The following KPNB1 variants were observed in gnomAD, a reference collection of about 807,000 sequenced individuals.
KPNB1 encodes the protein karyopherin subunit beta 1, also known as importin subunit beta-1.
In KPNB1, 7 loss-of-function variants were observed where a neutral mutation model predicts 113.0. The observed-to-expected ratio is 0.06, with a 90% CI of 0.04 to 0.12. The LOEUF is 0.12. Ranked by LOEUF, KPNB1 falls within the 10% of genes least tolerant of loss-of-function variation. The pLI is 1.00. For synonymous variants in KPNB1, 363 were observed against 378.6 expected (o/e 0.96, Z 0.48); for missense variants, 400 against 1,054.8 (o/e 0.38, Z 8.60).
chr17:47,670,171 T>G (rs531188692), intron 11 of KPNB1, among the ~76,000 whole-genome samples: 1 of 152,190 alleles, frequency 6.6e-6, no homozygotes, highest in East Asian at 1.9e-4. Flanking sequence ...GGTAGAGAGT[T>G]TTTGGCTGTA....
intron 16 of KPNB1, among the ~76,000 whole-genome samples, 170 bp from the exon 17 acceptor site, chr17:47,676,850 C>T (rs1376606216): frequency 2.2e-5 from 3 of 136,356 alleles, no homozygotes; most frequent in South Asian, 2.3e-4. Context: ...TGATCTCTCT[C>T]GGATAGTCTT....
intron 3 of KPNB1, among the ~76,000 whole-genome samples, chr17:47,653,271 ATT>A (rs3067142): frequency 2.3e-4 from 25 of 109,838 alleles, no homozygotes; most frequent in Middle Eastern, 5.2e-3. Context: ...AGCTCAGGGA[ATT>A]TTTTTTTTTT....
chr17:47,650,471 C>T (rs1214108554), intron 2 of KPNB1, 27 bp downstream of exon 2: 2 of 1,588,932 alleles, frequency 1.3e-6, no homozygotes, highest in South Asian at 2.3e-5. Flanking sequence ...CGCGCCCATC[C>T]CGCCGCGTCC....
intron 15 of KPNB1, 114 bp from the exon 16 acceptor site, chr17:47,676,295 C>A: frequency 1.3e-6 from 1 of 765,048 alleles, no homozygotes; most frequent in Non-Finnish European, 2.3e-6. Context: ...GCACATTTCA[C>A]CCAACCTGTT....
intron 2 of KPNB1, 50 bp from the exon 3 acceptor site, chr17:47,652,644 G>A: frequency 7.0e-7 from 1 of 1,431,960 alleles, no homozygotes; most frequent in Non-Finnish European, 9.3e-7. Context: ...ATCCTCAGTT[G>A]TGGAAATTCC....
Position 47,680,637 on chromosome 17 carries a change from A to G in KPNB1, c.2598A>G (p.Thr866=), listed in dbSNP as rs2030742360. The change falls in exon 21 of 22, where the codon ACA becomes ACG. Residue 866 remains threonine (T), a synonymous_variant. Coordinates refer to ENST00000290158, the MANE Select transcript of KPNB1 (RefSeq NM_002265.6). ...CAAAAACCCTTGCTACATGGGCAAC[A>G]AAAGAACTGAGGAAACTGAAGAACC... ...NKAKTLATWA[T]KELRKLKNQA 1 of 1,614,200 alleles carries G rather than the reference A, an allele frequency of 6.2e-7. No individual in the cohort carries two copies. Among genetic ancestry groups the G allele is most frequent in the East Asian group, 2.2e-5 (1 of 44,880 alleles).
chr17:47,677,059 C>G lies in KPNB1; in HGVS notation c.2035C>G (p.Arg679Gly). The G allele has an allele frequency of 6.2e-7, 1 of 1,613,978 alleles. No individual in the cohort carries two copies. The highest frequency in any genetic ancestry group is 8.5e-7 in the Non-Finnish European group (1 of 1,179,992). ...AAVGLVGDLCRALQSNIIPFC... is the reference protein window; with the variant it reads ...AAVGLVGDLCGALQSNIIPFC... ...TGTGGGCTTAGTGGGAGACTTGTGCCGTGCCCTGCAATCCAACATCATACC... is the reference window on the plus strand; with the variant it reads ...TGTGGGCTTAGTGGGAGACTTGTGCGGTGCCCTGCAATCCAACATCATACC... Residue 679 changes from arginine (R) to glycine (G), a missense_variant, in exon 17 of 22, where the codon CGT becomes GGT. Physicochemically the swap from Arg to Gly is moderately radical, Grantham distance 125. Transcript: ENST00000290158.
At chr17:47,679,192 A>G (rs1280608063) in intron 19 of KPNB1, among the ~76,000 whole-genome samples, 3 of 151,156 alleles carry the variant, frequency 2.0e-5, no homozygotes, top group African/African-American at 7.3e-5. Context: ...TCCCAAAGTG[A>G]TGGGATTTCA....
At chr17:47,658,732 T>C (rs1476967265) in intron 5 of KPNB1, 72 bp downstream of exon 5, 3 of 1,391,960 alleles carry the variant, frequency 2.2e-6, no homozygotes, top group African/African-American at 1.4e-5. Flanking sequence ...GTTTTTTGTT[T>C]TGTTTTCTTA....
intron 13 of KPNB1, 129 bp from the exon 14 acceptor site, chr17:47,673,361 C>CA: frequency 1.1e-6 from 1 of 895,340 alleles, no homozygotes; most frequent in Non-Finnish European, 1.8e-6. Flanking sequence ...ATGTGTTACA[C>CA]TATATGTATT....
At chr17:47,674,905 A>G in intron 15 of KPNB1, 123 bp downstream of exon 15, 1 of 980,014 alleles carries the variant, frequency 1.0e-6, no homozygotes, top group Non-Finnish European at 1.5e-6. Flanking sequence ...CAGCCTTGAA[A>G]TCGTGGGCTC....
chr17:47,669,619 A>G, intron 10 of KPNB1, 59 bp from the exon 11 acceptor site: 1 of 1,245,110 alleles, frequency 8.0e-7, no homozygotes, highest in Non-Finnish European at 1.2e-6. Context: ...TCTCTGGGGT[A>G]GTAGTTAACA....
rs144936618 is a variant in KPNB1, at chr17:47,676,314, C to T, written c.1913-95C>T. ...ATTTCACCCAACCTGTTGAGTGGAG[C>T]GAGTACATTTTGGGAGAGGTAGGAT... On this transcript the variant is annotated intron_variant, in intron 15 of 21. Transcript: ENST00000290158. 6.0e-5 allele frequency: 51 copies of T among 853,986 alleles called. 1 individual carries two copies. The East Asian group carries it at 8.6e-4, about 14-fold the overall frequency. The allele number at this position is 853,986 out of a possible 1,614,324, so 52.9% of individuals were successfully genotyped here.
At chr17:47,676,901 C>A in intron 16 of KPNB1, 119 bp from the exon 17 acceptor site, 1 of 677,324 alleles carries the variant, frequency 1.5e-6, no homozygotes. Flanking sequence ...AAATTAATCT[C>A]GGCAGAGGGA....
chr17:47,675,358 G>GTTTT (rs1555619221), intron 15 of KPNB1, among the ~76,000 whole-genome samples: 21 of 88,858 alleles, frequency 2.4e-4, no homozygotes, highest in African/African-American at 6.9e-4. Context: ...TGGCAGAGGT[G>GTTTT]TTGTTTTTTT....
intron 19 of KPNB1, among the ~76,000 whole-genome samples, chr17:47,679,605 C>G (rs2030710815): frequency 6.6e-6 from 1 of 152,008 alleles, no homozygotes; most frequent in Non-Finnish European, 1.5e-5. Context: ...CAGCTTGGAC[C>G]TTGTATGATA....
chr17:47,674,578 A>G (rs765995411), intron 14 of KPNB1, 60 bp from the exon 15 acceptor site: 6 of 1,513,458 alleles, frequency 4.0e-6, no homozygotes, highest in African/African-American at 1.4e-5. Flanking sequence ...AAGAAAAGGT[A>G]TAGTGTTCTG....
Position 47,650,558 on chromosome 17 carries a change from C to T in KPNB1, c.99+114C>T, listed in dbSNP as rs577028655. ...GAACCTACCCCGCCCCATCCCGTCC[C>T]CCTCCCCCCTCCCCCTCCCCCCCCA... On this transcript the variant is annotated intron_variant, in intron 2 of 21. Coordinates refer to ENST00000290158, the MANE Select transcript of KPNB1 (RefSeq NM_002265.6). 1.7e-5 allele frequency: 13 copies of T among 754,276 alleles called. No individual in the cohort carries two copies. In the East Asian group the frequency reaches 1.9e-4, roughly 11 times the overall value. 46.7% of individuals were successfully genotyped at this position (754,276 alleles called of 1,614,324 possible).
Position 47,680,553 on chromosome 17 carries a change from A to C in KPNB1, c.2514A>C (p.Glu838Asp). 1 of 1,614,224 alleles carries C rather than the reference A, an allele frequency of 6.2e-7. No individual in the cohort carries two copies. The highest frequency in any genetic ancestry group is 8.5e-7 in the Non-Finnish European group (1 of 1,180,030). The change falls in exon 21 of 22, where the codon GAA becomes GAC. Residue 838 changes from glutamate (E) to aspartate (D), a missense_variant. By Grantham distance (45) the Glu-to-Asp change is conservative. This residue lies in a region of KPNB1 where 115 missense variants were observed against 427.9 expected (regional missense o/e 0.27). Coordinates refer to ENST00000290158, the MANE Select transcript of KPNB1 (RefSeq NM_002265.6). ...GGAAGGATGTACTGAAATTAGTAGA[A>C]GCTAGGCCAATGATCCATGAATTGT... Reference protein sequence around the residue: ...AFGKDVLKLVEARPMIHELLT... With the variant: ...AFGKDVLKLVDARPMIHELLT...
Sources: gnomAD v4.1 joint callset for allele counts (sites outside exome capture counted in the v4.1 genomes callset) on GRCh38, gnomAD v4.1.1 for gene constraint, gnomAD v4.1.1 regional missense constraint, MANE v1.5 for transcripts, NCBI Gene and HGNC (gene_info 2026-07-23, HGNC 2026-07-21) for gene names.